ANK2: variants seen among roughly 807,000 people sequenced by gnomAD.
ANK2 encodes ankyrin 2.
In ANK2, 83 loss-of-function variants were observed where a neutral mutation model predicts 360.5. The ratio of observed to expected loss-of-function variants is 0.23; its 90% CI spans 0.19 to 0.28. The LOEUF is 0.28. ANK2 is among the 10% of genes least tolerant of loss of function. The probability of loss-of-function intolerance (pLI) is 1.00; values close to 1 mark genes in which losing one functional copy is unlikely to be tolerated. For missense variants in ANK2, 4,201 were observed against 4,795.7 expected (o/e 0.88, Z 3.66); for synonymous variants, 1,740 against 1,759.5 (o/e 0.99, Z 0.28).
At chr4:112,845,933 T>C (rs2063193119) in intron 1 of ANK2, among the ~76,000 whole-genome samples, 2 of 152,246 alleles carry the variant, frequency 1.3e-5, no homozygotes, top group African/African-American at 4.8e-5. Context: ...CCCAACCAGA[T>C]CCAGGACAGT....
intron 4 of ANK2, among the ~76,000 whole-genome samples, chr4:113,221,087 T>C (rs763047693): frequency 6.6e-6 from 1 of 152,196 alleles, no homozygotes; most frequent in Non-Finnish European, 1.5e-5. Context: ...ATAGCCTAGA[T>C]TTTGTTAACG....
the ANK2 span, among the ~76,000 whole-genome samples, chr4:112,785,522 A>C: frequency 6.6e-6 from 1 of 151,506 alleles, no homozygotes; most frequent in African/African-American, 2.4e-5. Context: ...ACAGAAGCCC[A>C]CCACCACACC....
chr4:112,747,525 C>T, the ANK2 span, among the ~76,000 whole-genome samples: 1 of 152,148 alleles, frequency 6.6e-6, no homozygotes, highest in Non-Finnish European at 1.5e-5. Context: ...CTCCTAGGAA[C>T]TCTTGAGCTT....
chr4:112,855,451 A>T (rs2066132028), intron 1 of ANK2, among the ~76,000 whole-genome samples: 2 of 152,306 alleles, frequency 1.3e-5, no homozygotes, highest in South Asian at 2.1e-4. Flanking sequence ...TAGGTTTTTG[A>T]GAGGTAAATT....
intron 4 of ANK2, among the ~76,000 whole-genome samples, chr4:113,228,335 C>CAG (rs1430628854): frequency 6.6e-6 from 1 of 152,146 alleles, no homozygotes; most frequent in African/African-American, 2.4e-5. Flanking sequence ...CACTCAGCTC[C>CAG]CTCCCACCCT....
intron 1 of ANK2, among the ~76,000 whole-genome samples, chr4:112,863,062 C>G (rs1029589481): frequency 6.6e-6 from 1 of 152,142 alleles, no homozygotes; most frequent in African/African-American, 2.4e-5. Flanking sequence ...CTAAGCTATG[C>G]TTATGTTTCT....
chr4:112,743,554 C>CTTTTTTTTTTTTTTTTTT, the ANK2 span, among the ~76,000 whole-genome samples: 1 of 105,880 alleles, frequency 9.4e-6, no homozygotes, highest in African/African-American at 3.7e-5. Context: ...CTTTTCTATC[C>CTTTTTTTTTTTTTTTTTT]TTTTTTTTTT....
chr4:112,980,721 G>A (rs2042890378), intron 2 of ANK2, among the ~76,000 whole-genome samples: 1 of 152,158 alleles, frequency 6.6e-6, no homozygotes, highest in African/African-American at 2.4e-5. Context: ...GCTCAGGGCA[G>A]AATATATTTC....
rs145939177 is a variant in ANK2 at position 113,364,465 on chromosome 4, C to T, written c.10889-574C>T. On this transcript the variant is annotated intron_variant, in intron 40 of 45. Coordinates refer to ENST00000357077, the MANE Select transcript of ANK2 (RefSeq NM_001148.6). ...GTATGAACCGCATTAAATAACAGCCCTCACTTCTAACAGTAATGTTACTCA... is the reference window on the plus strand; with the variant it reads ...GTATGAACCGCATTAAATAACAGCCTTCACTTCTAACAGTAATGTTACTCA... Among the ~76,000 whole-genome samples the T allele has an allele frequency of 1.4e-3, 217 of 152,302 alleles. 1 individual carries two copies. Among genetic ancestry groups the T allele is most frequent in the African/African-American group, 5.0e-3 (206 of 41,560 alleles).
At chr4:112,738,894 C>A in the ANK2 span, 2 of 680,242 alleles carry the variant, frequency 2.9e-6, no homozygotes, top group Admixed American at 1.9e-5. Flanking sequence ...AACAAAAAAA[C>A]AAAAAACAAA....
At chr4:112,788,902 T>TAA in the ANK2 span, 1 of 662,448 alleles carries the variant, frequency 1.5e-6, no homozygotes, top group South Asian at 1.7e-5. Flanking sequence ...AGGAGAGAGT[T>TAA]TTTTTAATTA....
intron 14 of ANK2, among the ~76,000 whole-genome samples, chr4:113,265,584 T>G (rs2055501173): frequency 6.6e-6 from 1 of 152,226 alleles, no homozygotes; most frequent in South Asian, 2.1e-4. Context: ...ATCAGACTTG[T>G]CCTGTTTCTA....
intron 1 of ANK2, chr4:113,107,011 TC>T: frequency 2.1e-6 from 1 of 487,570 alleles, no homozygotes; most frequent in Non-Finnish European, 4.2e-6. Context: ...TGGTGATTGT[TC>T]TTTGTTGTGT....
At chr4:112,745,972 G>A in the ANK2 span, among the ~76,000 whole-genome samples, 2 of 151,638 alleles carry the variant, frequency 1.3e-5, no homozygotes, top group African/African-American at 2.4e-5. Flanking sequence ...GAATTCAGTT[G>A]TTTTAAATCA....
At chr4:112,976,824 GAATCTTTACCCA>G (rs2041593521) in intron 2 of ANK2, among the ~76,000 whole-genome samples, 1 of 152,092 alleles carries the variant, frequency 6.6e-6, no homozygotes, top group South Asian at 2.1e-4. Flanking sequence ...TCTGCCCTTA[GAATCTTTACCCA>G]CAATGCAGAG....
upstream of ANK2, among the ~76,000 whole-genome samples, chr4:113,047,447 A>G (rs538768716): frequency 1.3e-5 from 2 of 152,330 alleles, no homozygotes; most frequent in African/African-American, 4.8e-5. Flanking sequence ...CTGGCACATG[A>G]TAGTCATCCA....
intron 14 of ANK2, among the ~76,000 whole-genome samples, chr4:113,272,021 C>T (rs979396571): frequency 2.0e-5 from 3 of 152,198 alleles, no homozygotes; most frequent in African/African-American, 7.2e-5. Flanking sequence ...CTTTAGGGAT[C>T]GAGCAATCCC....
chr4:112,771,664 C>T, the ANK2 span, among the ~76,000 whole-genome samples: 1 of 151,764 alleles, frequency 6.6e-6, no homozygotes, highest in Admixed American at 6.6e-5. Context: ...CAGCTCACTG[C>T]AAGCTCCGCC....
chr4:112,903,938 G>A (rs1205533832), intron 1 of ANK2, among the ~76,000 whole-genome samples: 4 of 152,276 alleles, frequency 2.6e-5, no homozygotes, highest in African/African-American at 7.2e-5. Context: ...GAGATGGCTA[G>A]TGTAGCTTCT....
Sources: gnomAD v4.1 joint callset for allele counts (sites outside exome capture counted in the v4.1 genomes callset) on GRCh38, gnomAD v4.1.1 for gene constraint, MANE v1.5 for transcripts, NCBI Gene and HGNC (gene_info 2026-07-23, HGNC 2026-07-21) for gene names.